Variants in SLC30A8 observed in about 807,000 individuals in gnomAD.
SLC30A8 encodes proton-coupled zinc antiporter SLC30A8.
A neutral mutation model predicts 36.9 loss-of-function variants in SLC30A8; 27 were observed. The observed-to-expected ratio is 0.73, with a 90% CI of 0.54 to 1.01. The LOEUF is 1.01. Among genes scored for constraint, SLC30A8 ranks in the 50% least tolerant of loss-of-function variants. The pLI is 0.00. For synonymous variants in SLC30A8, 164 were observed against 172.4 expected (o/e 0.95, Z 0.38); for missense variants, 439 against 452.0 (o/e 0.97, Z 0.26).
chr8:117,058,466 T>C (rs1339982597), intron 2 of SLC30A8, among the ~76,000 whole-genome samples: 1 of 152,202 alleles, frequency 6.6e-6, no homozygotes, highest in East Asian at 1.9e-4. Flanking sequence ...AAGGCCAGTG[T>C]TAGCTTATCT....
At chr8:116,972,159 G>A (rs1482289094) in intron 1 of SLC30A8, among the ~76,000 whole-genome samples, 10 of 152,110 alleles carry the variant, frequency 6.6e-5, no homozygotes, top group Admixed American at 5.9e-4. Context: ...CAAGAAACAT[G>A]TCTAATTATA....
At position 117,135,172 on chromosome 8, in the gene SLC30A8, C is replaced by T. The variant is rs932817493; in HGVS notation, c.-156C>T. On this transcript the variant is annotated 5_prime_UTR_variant, in exon 1 of 8. Transcript: ENST00000456015. ...GCTGTAATTTTAGCAGACCTACCAA[C>T]AACACTGATGTAGGAAGCTCATTAT... 1 of 470,222 alleles carries T rather than the reference C, an allele frequency of 2.1e-6. No individual in the cohort carries two copies. Among genetic ancestry groups the T allele is most frequent in the African/African-American group, 2.0e-5 (1 of 50,938 alleles). 29.1% of individuals were successfully genotyped at this position (470,222 alleles called of 1,614,324 possible).
chr8:117,034,592 T>C (rs1054566807), intron 1 of SLC30A8, among the ~76,000 whole-genome samples: 1 of 152,230 alleles, frequency 6.6e-6, no homozygotes, highest in African/African-American at 2.4e-5. Flanking sequence ...GTGCTAGAGC[T>C]GGGGTTTGAA....
chr8:117,169,961 A>C (rs184615164), intron 6 of SLC30A8, among the ~76,000 whole-genome samples: 2 of 152,226 alleles, frequency 1.3e-5, no homozygotes, highest in Non-Finnish European at 2.9e-5. Context: ...ATTCTGATTT[A>C]ATTGTCTGGG....
At chr8:117,097,396 C>G (rs1026810010) in intron 2 of SLC30A8, among the ~76,000 whole-genome samples, 1 of 25,048 alleles carries the variant, frequency 4.0e-5, no homozygotes, top group East Asian at 2.7e-3. Context: ...GACTCCATCT[C>G]AAAAAAAAAA....
chr8:117,149,285 A>G (rs2130972594), intron 2 of SLC30A8, among the ~76,000 whole-genome samples: 1 of 152,162 alleles, frequency 6.6e-6, no homozygotes, highest in Admixed American at 6.5e-5. Flanking sequence ...TTCTTGTTTG[A>G]GGTGTGTTAT....
At chr8:117,025,977 T>G (rs1816859224) in intron 1 of SLC30A8, among the ~76,000 whole-genome samples, 1 of 152,178 alleles carries the variant, frequency 6.6e-6, no homozygotes, top group Admixed American at 6.5e-5. Context: ...AATATTTCCT[T>G]TCCTTCGCAG....
intron 3 of SLC30A8, among the ~76,000 whole-genome samples, chr8:117,153,956 CATAATT>C (rs1033209713): frequency 3.9e-4 from 59 of 152,248 alleles, no homozygotes; most frequent in South Asian, 1.0e-3. Flanking sequence ...CTTCTCAACT[CATAATT>C]ATAGGGATTT....
intron 1 of SLC30A8, among the ~76,000 whole-genome samples, chr8:117,015,127 A>G (rs980593732): frequency 1.3e-5 from 2 of 151,982 alleles, no homozygotes; most frequent in African/African-American, 4.8e-5. Flanking sequence ...AGCTTATAGG[A>G]AACTGCGTGG....
At chr8:117,139,662 G>A (rs1027794243) in intron 1 of SLC30A8, among the ~76,000 whole-genome samples, 2 of 151,898 alleles carry the variant, frequency 1.3e-5, no homozygotes, top group African/African-American at 4.8e-5. Context: ...CCAAAATCTG[G>A]GTGTGATACC....
At chr8:116,997,521 G>A (rs1815862382) in intron 1 of SLC30A8, among the ~76,000 whole-genome samples, 1 of 151,834 alleles carries the variant, frequency 6.6e-6, no homozygotes, top group South Asian at 2.1e-4. Flanking sequence ...AAAGTAGCTT[G>A]CTTTTGGGAT....
chr8:117,009,982 G>A (rs1816295714), intron 1 of SLC30A8, among the ~76,000 whole-genome samples: 1 of 152,252 alleles, frequency 6.6e-6, no homozygotes, highest in African/African-American at 2.4e-5. Context: ...TATGAGAAAG[G>A]TTTGAACAGC....
chr8:117,045,250 G>A (rs893808829), intron 2 of SLC30A8, among the ~76,000 whole-genome samples: 2 of 152,144 alleles, frequency 1.3e-5, no homozygotes, highest in Non-Finnish European at 2.9e-5. Context: ...TTACAATCTG[G>A]ATGGAGGAAA....
intron 1 of SLC30A8, among the ~76,000 whole-genome samples, chr8:117,032,849 C>T (rs1446720792): frequency 1.3e-5 from 2 of 151,644 alleles, no homozygotes; most frequent in African/African-American, 2.4e-5. Context: ...GAGGTTGCGC[C>T]ATTGCACTCC....
At chr8:116,998,225 T>C (rs930164487) in intron 1 of SLC30A8, among the ~76,000 whole-genome samples, 1 of 152,118 alleles carries the variant, frequency 6.6e-6, no homozygotes, top group African/African-American at 2.4e-5. Context: ...AAGGCAAACA[T>C]CTTCAAAAAC....
At chr8:117,172,002 A>C (rs552926340) in intron 7 of SLC30A8, among the ~76,000 whole-genome samples, 35 of 152,232 alleles carry the variant, frequency 2.3e-4, no homozygotes, top group African/African-American at 7.9e-4. Flanking sequence ...AAATGGAAGA[A>C]TCTAGTAAAC....
chr8:117,023,821 GTAAC>G (rs1370080405), intron 1 of SLC30A8, among the ~76,000 whole-genome samples: 1 of 151,814 alleles, frequency 6.6e-6, no homozygotes, highest in Non-Finnish European at 1.5e-5. Context: ...GTATACATGT[GTAAC>G]TAACCTGCAC....
At chr8:117,041,354 GA>G (rs2130757080) in intron 2 of SLC30A8, among the ~76,000 whole-genome samples, 1 of 152,278 alleles carries the variant, frequency 6.6e-6, no homozygotes, top group East Asian at 1.9e-4. Context: ...GTTGAAAAAG[GA>G]ATTTGTATGT....
chr8:117,057,457 T>A (rs957019389), intron 2 of SLC30A8, among the ~76,000 whole-genome samples: 1 of 152,102 alleles, frequency 6.6e-6, no homozygotes, highest in South Asian at 2.1e-4. Flanking sequence ...GAGACCTGTG[T>A]TGTACATTAG....
Sources: allele counts gnomAD v4.1 joint callset (sites outside exome capture counted in the v4.1 genomes callset), GRCh38; gene constraint gnomAD v4.1.1; transcripts MANE v1.5; gene names NCBI Gene and HGNC (gene_info 2026-07-23, HGNC 2026-07-21).